Variants in ATAD2B observed in about 807,000 individuals in gnomAD.
ATAD2B encodes ATPase family AAA domain-containing protein 2B.
In ATAD2B, 40 loss-of-function variants were observed where a neutral mutation model predicts 167.6. The ratio of observed to expected loss-of-function variants is 0.24; its 90% CI spans 0.19 to 0.31. ATAD2B has a LOEUF of 0.31. Ranked by LOEUF, ATAD2B falls within the 10% of genes least tolerant of loss-of-function variation. The probability of loss-of-function intolerance (pLI) is 1.00; values close to 1 mark genes in which losing one functional copy is unlikely to be tolerated. For missense variants in ATAD2B, 1,242 were observed against 1,757.2 expected, an observed-to-expected ratio of 0.71 and a Z score of 5.24; for synonymous variants, 579 against 596.5, an observed-to-expected ratio of 0.97 and a Z score of 0.43.
chr2:23,734,379 C>T, the ATAD2B span, among the ~76,000 whole-genome samples: 2 of 152,006 alleles, frequency 1.3e-5, no homozygotes, highest in Non-Finnish European at 2.9e-5. Context: ...AGGCTGGTCT[C>T]GAACTCCTGA....
intron 22 of ATAD2B, among the ~76,000 whole-genome samples, chr2:23,772,488 A>C (rs1056382884): frequency 6.6e-6 from 1 of 152,162 alleles, no homozygotes; most frequent in Non-Finnish European, 1.5e-5. Flanking sequence ...GAATGAAGAG[A>C]AACTAAAAAA....
chr2:23,909,137 T>TA (rs571913634), intron 1 of ATAD2B, among the ~76,000 whole-genome samples: 10,023 of 87,804 alleles, frequency 0.11, 422 homozygotes, highest in African/African-American at 0.21. Flanking sequence ...ATAATAATAA[T>TA]AAAAAAAAAA....
chr2:23,830,031 C>T (rs1558617840), intron 14 of ATAD2B, among the ~76,000 whole-genome samples: 1 of 152,148 alleles, frequency 6.6e-6, no homozygotes, highest in Non-Finnish European at 1.5e-5. Flanking sequence ...ATCACCCAGG[C>T]TGGAGTACAG....
At chr2:23,732,377 C>T in the ATAD2B span, among the ~76,000 whole-genome samples, 16 of 152,040 alleles carry the variant, frequency 1.1e-4, no homozygotes, top group African/African-American at 2.7e-4. Flanking sequence ...TAAAACTATA[C>T]GAAAAGCAAA....
chr2:23,772,356 A>G (rs986667051), intron 22 of ATAD2B, among the ~76,000 whole-genome samples: 2 of 152,182 alleles, frequency 1.3e-5, no homozygotes, highest in African/African-American at 4.8e-5. Context: ...TAGCTACTAT[A>G]AATAAAAAAC....
downstream of ATAD2B, among the ~76,000 whole-genome samples, chr2:23,746,301 TTAATC>T (rs1348045639): frequency 6.6e-6 from 1 of 152,170 alleles, no homozygotes; most frequent in African/African-American, 2.4e-5. Flanking sequence ...CTTGAGCAAA[TTAATC>T]TATAACTCAG....
intron 1 of ATAD2B, among the ~76,000 whole-genome samples, chr2:23,922,250 G>A (rs1369009249): frequency 6.6e-6 from 1 of 151,534 alleles, no homozygotes; most frequent in African/African-American, 2.4e-5. Context: ...AAAGATTGCT[G>A]TACAGTTTTG....
At chr2:23,891,360 A>G (rs1699459985) in intron 2 of ATAD2B, among the ~76,000 whole-genome samples, 1 of 152,100 alleles carries the variant, frequency 6.6e-6, no homozygotes, top group Non-Finnish European at 1.5e-5. Context: ...TTAAACGTAT[A>G]TGCCTAAAAG....
chr2:23,854,686 A>G (rs1267665040), intron 13 of ATAD2B, among the ~76,000 whole-genome samples: 1 of 152,098 alleles, frequency 6.6e-6, no homozygotes. Flanking sequence ...CTCAAAAAAA[A>G]AAAAAAAAGC....
intron 13 of ATAD2B, among the ~76,000 whole-genome samples, chr2:23,836,639 A>C (rs565150906): frequency 3.3e-5 from 5 of 152,160 alleles, no homozygotes; most frequent in Non-Finnish European, 5.9e-5. Context: ...TGGAGTGGGC[A>C]GCTCCTCTCT....
In ATAD2B at chr2:23,783,284, C is replaced by CT. The variant is rs1375017370; in HGVS notation, c.2974-257dup. Among the ~76,000 whole-genome samples, 661 of 135,644 alleles carry CT rather than the reference C, an allele frequency of 4.9e-3. 4 individuals carry two copies. Among genetic ancestry groups the CT allele is most frequent in the South Asian group, 0.016 (69 of 4,208 alleles). 89.0% of individuals were successfully genotyped at this position (135,644 alleles called of 152,430 possible). ...TTCTTAAAATTTGAAACCATGTCAG[C>CT]TTTTTTTTTTTTTTTTTAATCCTTC... On this transcript the variant is annotated intron_variant, in intron 21 of 27. Transcript: ENST00000238789.
chr2:23,870,879 A>T (rs953600365), intron 8 of ATAD2B, among the ~76,000 whole-genome samples: 3 of 152,096 alleles, frequency 2.0e-5, no homozygotes, highest in Non-Finnish European at 4.4e-5. Flanking sequence ...GAGATTAGGT[A>T]ATTTGCCAGG....
the ATAD2B span, chr2:23,684,641 G>T: frequency 9.9e-7 from 1 of 1,006,790 alleles, no homozygotes. The surrounding 1 kb of genome is among the most constrained non-coding windows in gnomAD (Gnocchi z 4.4). Flanking sequence ...GTGACTCCCT[G>T]TCACAGAGCC....
At chr2:23,863,624 AT>A (rs2150041004) in intron 11 of ATAD2B, 69 bp from the exon 12 acceptor site, 1 of 1,341,108 alleles carries the variant, frequency 7.5e-7, no homozygotes, top group African/African-American at 1.5e-5. Context: ...ATTTTAAAAA[AT>A]GTCCCCCCCT....
At chr2:23,687,829 G>A in the ATAD2B span, among the ~76,000 whole-genome samples, 1 of 152,168 alleles carries the variant, frequency 6.6e-6, no homozygotes, top group Non-Finnish European at 1.5e-5. Flanking sequence ...TGCAGGGGAC[G>A]CGGCTGGAGG....
At chr2:23,817,888 G>A (rs1190705327) in intron 17 of ATAD2B, among the ~76,000 whole-genome samples, 1 of 152,006 alleles carries the variant, frequency 6.6e-6, no homozygotes, top group African/African-American at 2.4e-5. Context: ...TAAATCAGTG[G>A]CAGGAAATGT....
chr2:23,870,749 T>C (rs1318020932), intron 8 of ATAD2B, among the ~76,000 whole-genome samples: 1 of 151,684 alleles, frequency 6.6e-6, no homozygotes, highest in Non-Finnish European at 1.5e-5. Context: ...AATAATACAC[T>C]GGTTTACAGA....
the ATAD2B span, among the ~76,000 whole-genome samples, chr2:23,737,013 G>T: frequency 6.6e-6 from 1 of 152,104 alleles, no homozygotes; most frequent in Non-Finnish European, 1.5e-5. Context: ...CTGCATTGCT[G>T]AGTTAGTTGT....
At chr2:23,905,666 G>A (rs1295849197) in intron 1 of ATAD2B, among the ~76,000 whole-genome samples, 1 of 152,214 alleles carries the variant, frequency 6.6e-6, no homozygotes, top group Non-Finnish European at 1.5e-5. Flanking sequence ...GGTACTGTAA[G>A]TAACAAATTT....
Sources: gnomAD v4.1 joint callset for allele counts (sites outside exome capture counted in the v4.1 genomes callset) on GRCh38, gnomAD v4.1.1 for gene constraint, Gnocchi (gnomAD v3.1) non-coding constraint, MANE v1.5 for transcripts, NCBI Gene and HGNC (gene_info 2026-07-23, HGNC 2026-07-21) for gene names.